Variants in KAZN observed in about 807,000 individuals in gnomAD.
KAZN encodes the protein kazrin.
Under a neutral mutation model 87.4 loss-of-function variants are expected in KAZN, and 40 were observed. The ratio of observed to expected loss-of-function variants is 0.46; its 90% CI spans 0.36 to 0.60. The LOEUF is 0.60. KAZN is among the 20% of genes least tolerant of loss of function. KAZN has a pLI of 0.00. For missense variants in KAZN, 898 were observed against 1,073.9 expected (o/e 0.84, Z 2.29); for synonymous variants, 466 against 458.3 (o/e 1.02, Z -0.22).
At chr1:14,533,884 G>A (rs1571879846) in intron 2 of KAZN, among the ~76,000 whole-genome samples, 1 of 152,094 alleles carries the variant, frequency 6.6e-6, no homozygotes, top group African/African-American at 2.4e-5. Flanking sequence ...CAAGAGTCAG[G>A]GTTATAGAAG....
rs1329858232 is a variant in KAZN, at chr1:15,048,858, T to TGGTCGTTGGTCCTG, written c.726+4739_726+4752dup. 3.7e-3 allele frequency among the ~76,000 whole-genome samples: 442 copies of TGGTCGTTGGTCCTG among 119,914 alleles called. 4 individuals are homozygous for TGGTCGTTGGTCCTG. The highest frequency in any genetic ancestry group is 4.5e-3 in the Non-Finnish European group (253 of 56,608). The allele number at this position is 119,914 out of a possible 152,430, so 78.7% of individuals were successfully genotyped here. On this transcript the variant is annotated intron_variant, in intron 4 of 14. Coordinates refer to ENST00000376030, the MANE Select transcript of KAZN (RefSeq NM_201628.3). ...TCGTTGGTCCTGGGTCGTTGGTCCT[T>TGGTCGTTGGTCCTG]GGTCGTTGGTCCTGGGTCGTTGGTC...
Position 14,490,437 on chromosome 1 carries a change from G to C in KAZN, c.250-108546G>C, listed in dbSNP as rs549117262. 4.6e-5 allele frequency among the ~76,000 whole-genome samples: 7 copies of C among 152,244 alleles called. No homozygotes were observed. In the South Asian group the frequency reaches 1.5e-3, roughly 32 times the overall value. On this transcript the variant is annotated intron_variant, in intron 2 of 16. Transcript: ENST00000636203. The stretch of plus-strand genomic sequence containing the variant: ...TTTAGAAAGTCTTTGTATAGCCTGA[G>C]ATTAATGAACAACTCATCTGCATTT...
intron 2 of KAZN, among the ~76,000 whole-genome samples, chr1:14,358,224 T>C (rs1659202005): frequency 1.3e-5 from 2 of 152,192 alleles, no homozygotes. Flanking sequence ...TTTATAGCAT[T>C]CTCTGATGGT....
chr1:13,964,902 A>G (rs1641887979), intron 1 of KAZN, among the ~76,000 whole-genome samples: 1 of 152,166 alleles, frequency 6.6e-6, no homozygotes, highest in African/African-American at 2.4e-5. Flanking sequence ...TCCCTGAGAA[A>G]CTGACAGTTG....
chr1:13,998,012 G>A, intron 1 of KAZN, among the ~76,000 whole-genome samples: 1 of 152,210 alleles, frequency 6.6e-6, no homozygotes, highest in East Asian at 1.9e-4. Context: ...AAGCTCATTA[G>A]ACTAACAGCA....
rs5772558 is a variant in KAZN at position 14,039,169 on chromosome 1, CAAAA to C, written c.92-141250_92-141247del. Among the ~76,000 whole-genome samples the C allele has an allele frequency of 5.9e-4, 72 of 122,510 alleles. 2 individuals are homozygous for C. Among genetic ancestry groups the C allele is most frequent in the African/African-American group, 1.8e-3 (63 of 35,200 alleles). 80.4% of individuals were successfully genotyped at this position (122,510 alleles called of 152,430 possible). On this transcript the variant is annotated intron_variant, in intron 1 of 16. Transcript: ENST00000636203. ...CTGGCGTCAGAGTGAGACTCTGTCT[CAAAA>C]AAAAAAAAAAAAAAAGTAGGAATTA...
At chr1:14,468,746 T>A (rs541241604) in intron 2 of KAZN, among the ~76,000 whole-genome samples, 3 of 152,338 alleles carry the variant, frequency 2.0e-5, no homozygotes, top group South Asian at 2.1e-4. Flanking sequence ...TATTTCACCA[T>A]CAGTGTCTGG....
At chr1:13,947,432 T>G (rs1481394746) in intron 1 of KAZN, among the ~76,000 whole-genome samples, 1 of 152,120 alleles carries the variant, frequency 6.6e-6, no homozygotes, top group Non-Finnish European at 1.5e-5. Flanking sequence ...ACCTGGTCCC[T>G]TCCTTGACAC....
chr1:15,100,294 G>T (rs1042057169), intron 10 of KAZN, among the ~76,000 whole-genome samples: 1 of 152,124 alleles, frequency 6.6e-6, no homozygotes, highest in South Asian at 2.1e-4. Context: ...GGGCATGAAG[G>T]CAGGAAGGAC....
intron 2 of KAZN, among the ~76,000 whole-genome samples, chr1:14,553,668 C>G (rs1218175994): frequency 3.9e-5 from 6 of 152,190 alleles, no homozygotes; most frequent in Non-Finnish European, 1.5e-5. Context: ...TCTGAAACCC[C>G]CCTCTTGGGC....
chr1:14,499,081 G>A (rs955127584), intron 2 of KAZN, among the ~76,000 whole-genome samples: 1 of 152,188 alleles, frequency 6.6e-6, no homozygotes, highest in Middle Eastern at 3.4e-3. Context: ...GCATTGCCAA[G>A]CAGAATCCCC....
At chr1:14,522,616 G>T (rs1173220470) in intron 2 of KAZN, among the ~76,000 whole-genome samples, 1 of 152,176 alleles carries the variant, frequency 6.6e-6, no homozygotes, top group Non-Finnish European at 1.5e-5. Context: ...ATGCAAATGG[G>T]TGTTGACGTG....
chr1:14,702,773 A>C (rs1426723621), intron 1 of KAZN, among the ~76,000 whole-genome samples: 1 of 152,174 alleles, frequency 6.6e-6, no homozygotes, highest in Non-Finnish European at 1.5e-5. Context: ...ATGCTCTGTG[A>C]AAGTGTTTAA....
intron 1 of KAZN, among the ~76,000 whole-genome samples, chr1:14,751,722 C>A (rs1011576326): frequency 6.6e-6 from 1 of 152,144 alleles, no homozygotes; most frequent in Admixed American, 6.5e-5. Flanking sequence ...TATGGAATGG[C>A]AAATGCTTGT....
At chr1:14,372,913 A>G (rs1346387142) in intron 2 of KAZN, among the ~76,000 whole-genome samples, 1 of 152,214 alleles carries the variant, frequency 6.6e-6, no homozygotes, top group Non-Finnish European at 1.5e-5. Flanking sequence ...TTAATAACTA[A>G]TTATATAAAA....
In KAZN at chr1:14,426,068, C is replaced by T. The variant is rs1665709664; in HGVS notation, c.250-172915C>T. On this transcript the variant is annotated intron_variant, in intron 2 of 16. Coordinates refer to the KAZN transcript ENST00000636203. ...AAGGCCTCACAGGGCTGCCTGGGCC[C>T]CCCGGCCTCCTCTCCTTTCCTTTCA... 1.3e-5 allele frequency among the ~76,000 whole-genome samples: 2 copies of T among 152,256 alleles called. 1 individual carries two copies. Among genetic ancestry groups the T allele is most frequent in the South Asian group, 4.1e-4 (2 of 4,836 alleles).
At chr1:14,456,923 T>G (rs1365452252) in intron 2 of KAZN, among the ~76,000 whole-genome samples, 1 of 151,954 alleles carries the variant, frequency 6.6e-6, no homozygotes, top group African/African-American at 2.4e-5. Flanking sequence ...CTACTAAAAA[T>G]ACACAAATTA....
chr1:13,945,706 TGTGTGAGAGAGA>T (rs1641120184), intron 1 of KAZN, among the ~76,000 whole-genome samples: 1 of 140,842 alleles, frequency 7.1e-6, no homozygotes, highest in Non-Finnish European at 1.5e-5. Context: ...TGTGTGTGTG[TGTGTGAGAGAGA>T]GAGAGAGAGA....
chr1:13,978,334 G>A (rs887010626), intron 1 of KAZN, among the ~76,000 whole-genome samples: 1 of 151,732 alleles, frequency 6.6e-6, no homozygotes, highest in African/African-American at 2.4e-5. Flanking sequence ...CTAGGAAATA[G>A]GACCTGAAAA....
Sources: allele counts gnomAD v4.1 joint callset (sites outside exome capture counted in the v4.1 genomes callset), GRCh38; gene constraint gnomAD v4.1.1; transcripts MANE v1.5; gene names NCBI Gene and HGNC (gene_info 2026-07-23, HGNC 2026-07-21).